The following GMNN variants were observed in gnomAD, a reference collection of about 807,000 sequenced individuals.
The protein encoded by GMNN is geminin DNA replication inhibitor.
GMNN carries 14 observed loss-of-function variants against 20.9 expected under a neutral mutation model. The observed-to-expected ratio is 0.67, with a 90% CI of 0.44 to 1.05. GMNN has a LOEUF of 1.05. Ranked by LOEUF, GMNN falls within the 50% of genes least tolerant of loss-of-function variation. The probability of loss-of-function intolerance (pLI) is 0.00; values close to 1 mark genes in which losing one functional copy is unlikely to be tolerated. For synonymous variants in GMNN, 81 were observed against 85.8 expected (o/e 0.94, Z 0.31); for missense variants, 227 against 243.8 (o/e 0.93, Z 0.46).
intron 4 of GMNN, among the ~76,000 whole-genome samples, chr6:24,783,847 C>A (rs1780280247): frequency 6.6e-6 from 1 of 151,864 alleles, no homozygotes; most frequent in Non-Finnish European, 1.5e-5. Context: ...TTGCAAAAAT[C>A]TTTAATAATC....
chr6:24,784,968 ATAGTTT>A (rs1780310862), intron 6 of GMNN, among the ~76,000 whole-genome samples: 2 of 152,156 alleles, frequency 1.3e-5, no homozygotes, highest in African/African-American at 4.8e-5. Context: ...CACATTTTAG[ATAGTTT>A]TAATTTTAAT....
chr6:24,784,481 C>A lies in GMNN; in HGVS notation c.395C>A (p.Ala132Asp). The A allele has an allele frequency of 6.3e-7, 1 of 1,582,348 alleles. No homozygotes were observed. Among genetic ancestry groups the A allele is most frequent in the Non-Finnish European group, 8.7e-7 (1 of 1,151,266 alleles). ...ATTGAACAAAAGGACAATGAAATTG[C>A]CCGCCTGAAAAAGGAGAATAAAGAA... ...KEIEQKDNEI[A>D]RLKKENKELA... The change falls in exon 6 of 7, where the codon GCC (alanine) becomes GAC (aspartate). Residue 132 changes from alanine (A) to aspartate (D), a missense_variant. Transcript: ENST00000230056.
At chr6:24,785,583 G>A (rs1254164434) in intron 6 of GMNN, 55 bp from the exon 7 acceptor site, 5 of 878,388 alleles carry the variant, frequency 5.7e-6, no homozygotes, top group Non-Finnish European at 5.4e-6. Context: ...TCAGTATGCT[G>A]ATCAGCTTAG....
In GMNN at chr6:24,781,239, A is replaced by AAAT. The variant is rs59071900; in HGVS notation, c.130-234_130-232dup. On this transcript the variant is annotated intron_variant, in intron 3 of 6. Transcript: ENST00000230056. ...ATAAAAAATTTTTTAAAAAATAAAT[A>AAAT]AATAATTTCAGCTAAGCTCTTGACC... Among the ~76,000 whole-genome samples the AAAT allele has an allele frequency of 0.072, 10,871 of 151,986 alleles. 1,133 individuals are homozygous for AAAT. Among genetic ancestry groups the AAAT allele is most frequent in the African/African-American group, 0.22 (9,236 of 41,392 alleles).
At chr6:24,780,315 T>C (rs1780175730) in intron 2 of GMNN, among the ~76,000 whole-genome samples, 1 of 152,226 alleles carries the variant, frequency 6.6e-6, no homozygotes, top group African/African-American at 2.4e-5. Context: ...GTTACGTTTG[T>C]TTTAACTAGA....
intron 4 of GMNN, among the ~76,000 whole-genome samples, 193 bp downstream of exon 4, chr6:24,781,814 G>A (rs1780229517): frequency 6.6e-6 from 1 of 152,170 alleles, no homozygotes; most frequent in Admixed American, 6.6e-5. Flanking sequence ...GAGGCCCAGT[G>A]CAGTGGCTCA....
intron 4 of GMNN, 70 bp from the exon 5 acceptor site, chr6:24,784,016 AT>A: frequency 8.7e-6 from 6 of 690,898 alleles, no homozygotes; most frequent in South Asian, 5.9e-5. Context: ...AAGATTGGAA[AT>A]TTTTTTGAAA....
At chr6:24,784,742 C>T (rs1780304462) in intron 6 of GMNN, among the ~76,000 whole-genome samples, 188 bp downstream of exon 6, 1 of 152,076 alleles carries the variant, frequency 6.6e-6, no homozygotes, top group Non-Finnish European at 1.5e-5. Flanking sequence ...GCTTCATCTT[C>T]CTCATCCACA....
intron 2 of GMNN, among the ~76,000 whole-genome samples, chr6:24,779,906 G>A (rs1157044692): frequency 6.6e-6 from 1 of 152,162 alleles, no homozygotes; most frequent in Non-Finnish European, 1.5e-5. Flanking sequence ...TAATGAATGG[G>A]CTTGAAGCAG....
chr6:24,781,754 G>A, intron 4 of GMNN, 133 bp downstream of exon 4: 1 of 448,090 alleles, frequency 2.2e-6, no homozygotes, highest in Non-Finnish European at 4.0e-6. Flanking sequence ...GTTTTTGTAT[G>A]TGACCATTTG....
intron 3 of GMNN, 151 bp downstream of exon 3, chr6:24,780,891 T>C (rs1356629769): frequency 8.4e-6 from 5 of 597,494 alleles, no homozygotes; most frequent in Non-Finnish European, 1.5e-5. Context: ...GAAGTGATTT[T>C]GGTTTTAATT....
chr6:24,784,554 G>A lies in GMNN; in HGVS notation c.468G>A (p.Glu156=), dbSNP rs961274895. The A allele has an allele frequency of 9.0e-6, 11 of 1,223,404 alleles. No individual in the cohort carries two copies. The highest frequency in any genetic ancestry group is 1.5e-5 in the African/African-American group (1 of 67,020). The allele number at this position is 1,223,404 out of a possible 1,614,324, so 75.8% of individuals were successfully genotyped here. ...EHVQYMAELI[E]RLNGEPLDNF... ...TACAGTATATGGCAGAGCTAATAGA[G>A]GTAGGTAATTTAATAGTTATCTGGT... Residue 156 remains glutamate (E), a splice_region_variant and synonymous_variant, in exon 6 of 7, where the codon GAG becomes GAA. Transcript: ENST00000230056.
In GMNN at chr6:24,786,046, T is replaced by C. The variant is rs1165307456; in HGVS notation, c.*247T>C. ...TTACTAAATAAACTTCAAACTCCTG[T>C]TGAACATTGTGTATAACTTAGAATA... On this transcript the variant is annotated 3_prime_UTR_variant, in exon 7 of 7. Coordinates refer to ENST00000230056, the MANE Select transcript of GMNN (RefSeq NM_015895.5). The C allele has an allele frequency of 5.4e-6, 2 of 369,282 alleles. No individual in the cohort carries two copies. Among genetic ancestry groups the C allele is most frequent in the African/African-American group, 4.3e-5 (2 of 46,506 alleles). 22.9% of individuals were successfully genotyped at this position (369,282 alleles called of 1,614,324 possible).
At chr6:24,783,704 C>CA (rs747215244) in intron 4 of GMNN, among the ~76,000 whole-genome samples, 6 of 151,706 alleles carry the variant, frequency 4.0e-5, no homozygotes, top group Non-Finnish European at 7.4e-5. Flanking sequence ...GTATTCCTGC[C>CA]AAAAATGTTT....
chr6:24,779,665 T>C (rs1439532228), intron 2 of GMNN, among the ~76,000 whole-genome samples: 1 of 152,244 alleles, frequency 6.6e-6, no homozygotes, highest in Non-Finnish European at 1.5e-5. Context: ...CTCACGCTGG[T>C]ATGGTATCAT....
In GMNN at chr6:24,785,734, T is replaced by C; in HGVS notation, c.565T>C (p.Ser189Pro). Residue 189 changes from serine to proline, a missense_variant, in exon 7 of 7, where the codon TCA (serine) becomes CCA (proline). By Grantham distance (74) the Ser-to-Pro change is moderately conservative. Transcript: ENST00000230056. ...ETVEDSLVED[S>P]EIGTCAEGTV... ...TGTTGAGGATTCTCTAGTGGAAGAC[T>C]CAGAAATTGGCACGTGTGCTGAAGG... 1 of 1,586,674 alleles carries C rather than the reference T, an allele frequency of 6.3e-7. No individual in the cohort carries two copies.
chr6:24,784,053 G>T, intron 4 of GMNN, 34 bp from the exon 5 acceptor site: 1 of 993,670 alleles, frequency 1.0e-6, no homozygotes, highest in South Asian at 1.5e-5. Flanking sequence ...TGACAGTAAT[G>T]ATTTTTAAAG....
chr6:24,777,494 C>T, intron 2 of GMNN, 197 bp downstream of exon 2: 1 of 349,752 alleles, frequency 2.9e-6, no homozygotes, highest in Non-Finnish European at 5.1e-6. Flanking sequence ...TATGGGTTGT[C>T]TCTCTTATTT....
intron 3 of GMNN, 87 bp from the exon 4 acceptor site, chr6:24,781,390 T>G (rs1737716806): frequency 1.2e-6 from 1 of 833,732 alleles, no homozygotes; most frequent in Admixed American, 2.3e-5. Context: ...ATATGCGTAC[T>G]CTTTTTTTAA....
Sources: allele counts gnomAD v4.1 joint callset (sites outside exome capture counted in the v4.1 genomes callset), GRCh38; gene constraint gnomAD v4.1.1; transcripts MANE v1.5; gene names NCBI Gene and HGNC (gene_info 2026-07-23, HGNC 2026-07-21).